The following CDK4 variants were observed in gnomAD, a reference collection of about 807,000 sequenced individuals.
The protein encoded by CDK4 is cyclin dependent kinase 4.
Under a neutral mutation model 36.7 loss-of-function variants are expected in CDK4, and 13 were observed. That is an observed-to-expected ratio of 0.35 (90% CI 0.23 to 0.56). CDK4 has a LOEUF of 0.56. Ranked by LOEUF, CDK4 falls within the 20% of genes least tolerant of loss-of-function variation. CDK4 has a pLI of 0.85. For synonymous variants in CDK4, 158 were observed against 146.4 expected, an observed-to-expected ratio of 1.08 and a Z score of -0.57; for missense variants, 285 against 387.3, an observed-to-expected ratio of 0.74 and a Z score of 2.22.
intron 5 of CDK4, 192 bp downstream of exon 5, chr12:57,750,458 TTGGGAA>T: frequency 1.6e-6 from 1 of 609,386 alleles, no homozygotes; most frequent in Non-Finnish European, 3.1e-6. Flanking sequence ...TGTCAGCTAG[TTGGGAA>T]GCTGAGATGG....
intron 4 of CDK4, 46 bp downstream of exon 4, chr12:57,750,877 T>C (rs2140386152): frequency 6.2e-7 from 1 of 1,610,490 alleles, no homozygotes; most frequent in South Asian, 1.1e-5. Context: ...GCAATCACTC[T>C]CCTACTCCCA....
At chr12:57,752,029 C>A in intron 1 of CDK4, 146 bp downstream of exon 1, 2 of 451,018 alleles carry the variant, frequency 4.4e-6, no homozygotes, top group South Asian at 4.3e-5. Flanking sequence ...CACCTCAGTC[C>A]CTAAAATTAT....
chr12:57,750,560 T>A (rs764396861), intron 5 of CDK4, 96 bp downstream of exon 5: 16 of 869,234 alleles, frequency 1.8e-5, no homozygotes, highest in Non-Finnish European at 2.8e-5. Context: ...CAGCAAGCCC[T>A]GGTCTCAAAA....
In CDK4 at chr12:57,751,847, C is replaced by T; in HGVS notation, c.-19-111G>A. 3 of 748,168 alleles carry T rather than the reference C, an allele frequency of 4.0e-6. No individual in the cohort carries two copies. The highest frequency in any genetic ancestry group is 6.9e-6 in the Non-Finnish European group (3 of 435,078). The allele number at this position is 748,168 out of a possible 1,614,324, so 46.3% of individuals were successfully genotyped here. ...AAAGCGCAAAGAACACCACCAGCATCCCATCCCCCGCTCCCAGTCTTCCTT... is the reference window on the plus strand; with the variant it reads ...AAAGCGCAAAGAACACCACCAGCATTCCATCCCCCGCTCCCAGTCTTCCTT... On this transcript the variant is annotated intron_variant, in intron 1 of 7. Coordinates refer to ENST00000257904, the MANE Select transcript of CDK4 (RefSeq NM_000075.4). This position sits in a 1 kb window ranked among gnomAD's most constrained non-coding sequence, Gnocchi z 4.5.
At chr12:57,748,708 C>CTTAT in intron 7 of CDK4, 91 bp from the exon 8 acceptor site, 1 of 693,632 alleles carries the variant, frequency 1.4e-6, no homozygotes, top group Non-Finnish European at 2.5e-6. Flanking sequence ...CTTCTTTTTT[C>CTTAT]TTTTTTTTTT....
Position 57,751,465 on chromosome 12 carries a change from T to A in CDK4, c.218+35A>T, listed in dbSNP as rs373095905. 165 of 1,611,376 alleles carry A rather than the reference T, an allele frequency of 1.0e-4. No individual in the cohort carries two copies. In the Middle Eastern group the frequency reaches 1.6e-3, roughly 15 times the overall value. On this transcript the variant is annotated intron_variant, in intron 2 of 7. Transcript: ENST00000257904. This position sits in a 1 kb window ranked among gnomAD's most constrained non-coding sequence, Gnocchi z 4.5. Reference sequence around the variant, plus strand: ...CCACCTATAGGCTGTCTTTTCCCTTTACTCCCCACGCCCAACCCTCCACCA... The same window carrying A: ...CCACCTATAGGCTGTCTTTTCCCTTAACTCCCCACGCCCAACCCTCCACCA...
In CDK4 at chr12:57,751,567, T is replaced by C. The variant is rs1595111026; in HGVS notation, c.151A>G (p.Ile51Val). The C allele has an allele frequency of 6.2e-7, 1 of 1,614,170 alleles. No individual in the cohort carries two copies. The highest frequency in any genetic ancestry group is 8.5e-7 in the Non-Finnish European group (1 of 1,180,018). The change falls in exon 2 of 8, where the codon ATC becomes GTC. Residue 51 changes from isoleucine to valine, a missense_variant. Coordinates refer to ENST00000257904, the MANE Select transcript of CDK4 (RefSeq NM_000075.4). The surrounding 1 kb of genome is among the most constrained non-coding windows in gnomAD (Gnocchi z 4.5). ...NGGGGGGGLP[I>V]STVREVALLR... ...AAAGCCACCTCACGAACTGTGCTGA[T>C]GGGAAGGCCTCCTCCACCTCCTCCT...
chr12:57,751,615 TGAG>T lies in CDK4; in HGVS notation c.100_102del (p.Leu34del). ...CCTCCATTGGGGACTCTCACACTCT[TGAG>T]GGCCACAAAGTGGCCACTGTGGGGA... is the stretch of plus-strand genomic sequence containing the variant. On this transcript the variant is annotated inframe_deletion, in exon 2 of 8. Transcript: ENST00000257904. The surrounding 1 kb of genome is among the most constrained non-coding windows in gnomAD (Gnocchi z 4.5). 1 of 1,614,184 alleles carries T rather than the reference TGAG, an allele frequency of 6.2e-7. No individual in the cohort carries two copies.
chr12:57,749,478 G>C lies in CDK4; in HGVS notation c.659C>G (p.Ala220Gly), dbSNP rs1555201127. Residue 220 changes from alanine (A) to glycine (G), a missense_variant, in exon 6 of 8, where the codon GCC becomes GGC. Physicochemically the swap from Ala to Gly is moderately conservative, Grantham distance 60 (BLOSUM62 0). Transcript: ENST00000257904. ...CTCAAAGATTTTGCCCAACTGGTCG[G>C]CTTCAGAGTTTCCACAGAAGAGAGG... The part of the protein sequence containing the change: ...RKPLFCGNSE[A>G]DQLGKIFDLI... 6.2e-7 allele frequency: 1 copy of C among 1,614,196 alleles called. No individual in the cohort carries two copies. The highest frequency in any genetic ancestry group is 8.5e-7 in the Non-Finnish European group (1 of 1,180,012).
intron 4 of CDK4, 51 bp downstream of exon 4, chr12:57,750,872 C>T (rs2140386143): frequency 1.2e-6 from 2 of 1,608,478 alleles, no homozygotes; most frequent in South Asian, 2.2e-5. Flanking sequence ...TACGGGCAAT[C>T]ACTCTCCTAC....
Position 57,748,339 on chromosome 12 carries a change from G to GGAAGGA in CDK4, c.*180_*185dup, listed in dbSNP as rs1955184009. The GGAAGGA allele has an allele frequency of 3.0e-6, 2 of 666,524 alleles. No homozygotes were observed. The highest frequency in any genetic ancestry group is 5.5e-6 in the Non-Finnish European group (2 of 363,142). 41.3% of individuals were successfully genotyped at this position (666,524 alleles called of 1,614,324 possible). A position where few individuals can be genotyped will look rare whatever the true frequency, so the allele number is the denominator to read the frequency against. Reference sequence around the variant, plus strand: ...ACATACCCCTTAGTGTAGAGAAATGGGAAGGAGAAGGAGAAGCCTCAAAAG... The same window carrying GGAAGGA: ...ACATACCCCTTAGTGTAGAGAAATGGGAAGGAGAAGGAGAAGGAGAAGCCTCAAAAG... On this transcript the variant is annotated 3_prime_UTR_variant, in exon 8 of 8. Coordinates refer to ENST00000257904, the MANE Select transcript of CDK4 (RefSeq NM_000075.4).
intron 7 of CDK4, 92 bp from the exon 8 acceptor site, chr12:57,748,709 T>C: frequency 4.1e-6 from 1 of 241,924 alleles, no homozygotes. Flanking sequence ...TTCTTTTTTC[T>C]TTTTTTTTTT....
chr12:57,749,631 CT>C, intron 5 of CDK4, 127 bp from the exon 6 acceptor site: 1 of 910,498 alleles, frequency 1.1e-6, no homozygotes. Flanking sequence ...CTTTGGGATG[CT>C]GAGGTGAGAG....
chr12:57,750,587 G>T, intron 5 of CDK4, 69 bp downstream of exon 5: 1 of 1,068,122 alleles, frequency 9.4e-7, no homozygotes, highest in Non-Finnish European at 1.5e-6. Flanking sequence ...AATGGGCAAG[G>T]TATGGATGTG....
rs761804196 is a variant in CDK4 at position 57,751,768 on chromosome 12, G to A, written c.-19-32C>T. The A allele has an allele frequency of 6.4e-7, 1 of 1,552,864 alleles. No homozygotes were observed. The highest frequency in any genetic ancestry group is 2.2e-5 in the East Asian group (1 of 44,502). The stretch of plus-strand genomic sequence containing the variant: ...TCACAGACTCCTATCACCAAAAGTC[G>A]CTTACAGAGTTAGGATGGTATGAGC... On this transcript the variant is annotated intron_variant, in intron 1 of 7. Coordinates refer to ENST00000257904, the MANE Select transcript of CDK4 (RefSeq NM_000075.4). This position sits in a 1 kb window ranked among gnomAD's most constrained non-coding sequence, Gnocchi z 4.5.
chr12:57,751,213 C>T lies in CDK4; in HGVS notation c.348G>A (p.Thr116=), dbSNP rs761353033. Residue 116 remains threonine, a synonymous_variant, in exon 3 of 8, where the codon ACG becomes ACA. Coordinates refer to ENST00000257904, the MANE Select transcript of CDK4 (RefSeq NM_000075.4). This position sits in a 1 kb window ranked among gnomAD's most constrained non-coding sequence, Gnocchi z 4.5. ...GCCTACCAACCCCACTCACCTTGAT[C>T]GTTTCGGCTGGCAAGCCTGGTGGGG... ...KAPPPGLPAE[T]IKDLMRQFLR... 5 of 1,614,214 alleles carry T rather than the reference C, an allele frequency of 3.1e-6. No homozygotes were observed. Among genetic ancestry groups the T allele is most frequent in the South Asian group, 1.1e-5 (1 of 91,074 alleles).
rs542680423 is a variant in CDK4 at position 57,750,642 on chromosome 12, T to C, written c.632+14A>G. Reference sequence around the variant, plus strand: ...GGGGAATTCAAGGTAGTCCAGGGTATGTGGGTCCCATACTTTCGACGAAAC... The same window carrying C: ...GGGGAATTCAAGGTAGTCCAGGGTACGTGGGTCCCATACTTTCGACGAAAC... On this transcript the variant is annotated intron_variant, in intron 5 of 7. Coordinates refer to ENST00000257904, the MANE Select transcript of CDK4 (RefSeq NM_000075.4). 42 of 1,559,456 alleles carry C rather than the reference T, an allele frequency of 2.7e-5. No individual in the cohort carries two copies. The highest frequency in any genetic ancestry group is 1.3e-4 in the Admixed American group (8 of 59,976).
At chr12:57,749,605 G>A in intron 5 of CDK4, 101 bp from the exon 6 acceptor site, 1 of 1,156,238 alleles carries the variant, frequency 8.6e-7, no homozygotes, top group Admixed American at 1.8e-5. Context: ...GGGAATAAAG[G>A]CCAACAATTC....
chr12:57,748,150 C>A lies in CDK4; in HGVS notation c.*375G>T. ...AATTTAACCAGTCTTTAAGGTTTTG[C>A]AGGAAAGTCCCTTCTTCCAAGTGGT... On this transcript the variant is annotated 3_prime_UTR_variant, in exon 8 of 8. Transcript: ENST00000257904. The A allele has an allele frequency of 2.9e-6, 1 of 345,410 alleles. No individual in the cohort carries two copies. Among genetic ancestry groups the A allele is most frequent in the Non-Finnish European group, 5.4e-6 (1 of 185,778 alleles). 21.4% of individuals were successfully genotyped at this position (345,410 alleles called of 1,614,324 possible).
Sources: allele counts gnomAD v4.1 joint callset, GRCh38; gene constraint gnomAD v4.1.1; non-coding constraint Gnocchi (gnomAD v3.1); transcripts MANE v1.5; gene names NCBI Gene and HGNC (gene_info 2026-07-23, HGNC 2026-07-21).